SLC24A3: variants seen among roughly 807,000 people sequenced by gnomAD.
SLC24A3 encodes the protein sodium/potassium/calcium exchanger 3.
SLC24A3 carries 28 observed loss-of-function variants against 75.8 expected under a neutral mutation model. The ratio of observed to expected loss-of-function variants is 0.37; its 90% CI spans 0.27 to 0.51. The LOEUF is 0.51. Among genes scored for constraint, SLC24A3 ranks in the 20% least tolerant of loss-of-function variants. SLC24A3 has a pLI of 0.94. For missense variants in SLC24A3, 663 were observed against 847.8 expected (o/e 0.78, Z 2.71); for synonymous variants, 372 against 334.1 (o/e 1.11, Z -1.24).
intron 4 of SLC24A3, among the ~76,000 whole-genome samples, chr20:19,582,972 G>A (rs886206036): frequency 2.6e-5 from 4 of 152,086 alleles, no homozygotes; most frequent in Non-Finnish European, 4.4e-5. Flanking sequence ...TTTGAGCAGC[G>A]GAGGATGTGA....
chr20:19,703,877 G>T (rs546654870), intron 15 of SLC24A3, among the ~76,000 whole-genome samples: 3 of 152,244 alleles, frequency 2.0e-5, no homozygotes, highest in South Asian at 4.1e-4. Context: ...GGGTTACAGG[G>T]GCCCCAACCA....
chr20:19,446,425 A>G (rs1600232864), intron 2 of SLC24A3, among the ~76,000 whole-genome samples: 1 of 152,250 alleles, frequency 6.6e-6, no homozygotes, highest in South Asian at 2.1e-4. Flanking sequence ...CATGGATTGC[A>G]TTTAAGCAGG....
intron 6 of SLC24A3, among the ~76,000 whole-genome samples, chr20:19,598,523 T>C (rs2122651122): frequency 6.6e-6 from 1 of 152,168 alleles, no homozygotes; most frequent in South Asian, 2.1e-4. Context: ...CTATAGTGCA[T>C]ATACCTGAGT....
intron 2 of SLC24A3, among the ~76,000 whole-genome samples, chr20:19,346,217 TATATGTATATATG>T (rs1985412886): frequency 1.1e-5 from 1 of 91,580 alleles, no homozygotes; most frequent in Non-Finnish European, 2.1e-5. Flanking sequence ...ATATATGGTG[TATATGTATATATG>T]GTATATATAT....
At chr20:19,240,413 C>G (rs1407993434) in intron 1 of SLC24A3, among the ~76,000 whole-genome samples, 1 of 152,176 alleles carries the variant, frequency 6.6e-6, no homozygotes, top group Non-Finnish European at 1.5e-5. Context: ...GCAGTTTTCT[C>G]CTTCCAGGAG....
chr20:19,386,154 G>A (rs79532706), intron 2 of SLC24A3, among the ~76,000 whole-genome samples: 4,551 of 151,962 alleles, frequency 0.03, 234 homozygotes, highest in African/African-American at 0.1. Flanking sequence ...AAATTTATTC[G>A]AAGTATTTTG....
At chr20:19,701,843 GGC>G (rs1568703619) in intron 15 of SLC24A3, among the ~76,000 whole-genome samples, 1 of 152,098 alleles carries the variant, frequency 6.6e-6, no homozygotes, top group African/African-American at 2.4e-5. Context: ...AAAAAACCTG[GGC>G]TCTAAACAAC....
At position 19,684,328 on chromosome 20, in the gene SLC24A3, A is replaced by G; in HGVS notation, c.1054A>G (p.Ile352Val). Reference sequence around the variant, plus strand: ...GCTCTCCATGGCCAGTCGCATGTTGATCAATGAGGTACCTGGGAAAGCACT... The same window carrying G: ...GCTCTCCATGGCCAGTCGCATGTTGGTCAATGAGGTACCTGGGAAAGCACT... ...TRLSMASRML[I>V]NERQRLINSR... Residue 352 changes from isoleucine (I) to valine (V), a missense_variant, in exon 11 of 17, where the codon ATC (isoleucine) becomes GTC (valine). Physicochemically the swap from Ile to Val is conservative, Grantham distance 29 (BLOSUM62 3). This residue lies in a region of SLC24A3 where 510 missense variants were observed against 703.6 expected (regional missense o/e 0.72). Transcript: ENST00000328041. 1 of 1,613,490 alleles carries G rather than the reference A, an allele frequency of 6.2e-7. No homozygotes were observed. The highest frequency in any genetic ancestry group is 8.5e-7 in the Non-Finnish European group (1 of 1,179,726).
rs187919136 is a variant in SLC24A3, at chr20:19,717,441, G to A, written c.1720-87G>A. On this transcript the variant is annotated intron_variant, in intron 15 of 16. Transcript: ENST00000328041. Reference sequence around the variant, plus strand: ...AGATGTGGAATCACTGCTACTCAGAGTTGCGTAGGCAGATGCCTTTTCCAA... The same window carrying A: ...AGATGTGGAATCACTGCTACTCAGAATTGCGTAGGCAGATGCCTTTTCCAA... 98 of 1,332,984 alleles carry A rather than the reference G, an allele frequency of 7.4e-5. No homozygotes were observed. The Admixed American group carries it at 1.1e-3, about 15-fold the overall frequency. 82.6% of individuals were successfully genotyped at this position (1,332,984 alleles called of 1,614,324 possible). A position where few individuals can be genotyped will look rare whatever the true frequency, so the allele number is the denominator to read the frequency against.
chr20:19,573,878 T>A (rs992413885), intron 3 of SLC24A3, among the ~76,000 whole-genome samples: 1 of 152,164 alleles, frequency 6.6e-6, no homozygotes, highest in African/African-American at 2.4e-5. Flanking sequence ...AAATAAAAGG[T>A]TTAATGACTA....
chr20:19,627,465 A>G (rs1301104881), intron 6 of SLC24A3, among the ~76,000 whole-genome samples: 2 of 152,310 alleles, frequency 1.3e-5, no homozygotes, highest in Middle Eastern at 3.4e-3. Context: ...ACCATTCTAC[A>G]TGGAAGTCTA....
intron 2 of SLC24A3, among the ~76,000 whole-genome samples, chr20:19,299,707 A>G (rs1170270827): frequency 1.3e-5 from 2 of 152,122 alleles, no homozygotes; most frequent in African/African-American, 2.4e-5. Context: ...AAGTTAGGAG[A>G]TATGGTATCA....
At chr20:19,464,377 G>T (rs986081783) in intron 2 of SLC24A3, among the ~76,000 whole-genome samples, 6 of 139,596 alleles carry the variant, frequency 4.3e-5, no homozygotes, top group Non-Finnish European at 7.9e-5. Context: ...ACACATACGT[G>T]CGCACACGTG....
chr20:19,654,193 G>T, intron 7 of SLC24A3, 57 bp downstream of exon 7: 1 of 1,523,872 alleles, frequency 6.6e-7, no homozygotes, highest in Non-Finnish European at 9.1e-7. Context: ...ACCAGGGGTG[G>T]TGTGAGGCTC....
At chr20:19,497,145 A>G (rs982126486) in intron 2 of SLC24A3, among the ~76,000 whole-genome samples, 5 of 152,238 alleles carry the variant, frequency 3.3e-5, no homozygotes, top group Admixed American at 1.3e-4. Flanking sequence ...AGGTGCCAAC[A>G]TGCTTTCCAT....
chr20:19,320,245 T>C (rs1984678394), intron 2 of SLC24A3, among the ~76,000 whole-genome samples: 1 of 152,208 alleles, frequency 6.6e-6, no homozygotes. Context: ...TGTGCATGTG[T>C]TTTTGTTTCA....
At chr20:19,586,859 A>G (rs900051749) in intron 6 of SLC24A3, among the ~76,000 whole-genome samples, 13 of 152,308 alleles carry the variant, frequency 8.5e-5, no homozygotes, top group Admixed American at 8.5e-4. Flanking sequence ...CTTAGACTGA[A>G]TGATTTCCCT....
intron 2 of SLC24A3, among the ~76,000 whole-genome samples, chr20:19,367,141 C>T (rs187629077): frequency 8.5e-5 from 13 of 152,346 alleles, no homozygotes; most frequent in African/African-American, 2.9e-4. Flanking sequence ...AACTTTAATT[C>T]ACATTTACAT....
At chr20:19,669,336 T>C (rs1227528395) in intron 8 of SLC24A3, among the ~76,000 whole-genome samples, 6 of 152,058 alleles carry the variant, frequency 3.9e-5, no homozygotes, top group African/African-American at 1.4e-4. Context: ...AACCCATCTC[T>C]ACTGAAAATA....
Sources: allele counts gnomAD v4.1 joint callset (sites outside exome capture counted in the v4.1 genomes callset), GRCh38; gene constraint gnomAD v4.1.1; regional missense constraint gnomAD v4.1.1; transcripts MANE v1.5; gene names NCBI Gene and HGNC (gene_info 2026-07-23, HGNC 2026-07-21).